Variants in SNX8 observed in about 807,000 individuals in gnomAD.
The protein encoded by SNX8 is sorting nexin-8.
A neutral mutation model predicts 51.6 loss-of-function variants in SNX8; 25 were observed. The observed-to-expected ratio is 0.48, with a 90% confidence interval of 0.35 to 0.68. SNX8 has a LOEUF of 0.68. Ranked by LOEUF, SNX8 falls within the 30% of genes least tolerant of loss-of-function variation. SNX8 has a pLI of 0.00. For missense variants in SNX8, 695 were observed against 624.0 expected (o/e 1.11, Z -1.21); for synonymous variants, 324 against 277.0 (o/e 1.17, Z -1.68).
intron 1 of SNX8, among the ~76,000 whole-genome samples, chr7:2,312,907 GT>G (rs548982760): frequency 3.3e-5 from 5 of 151,590 alleles, no homozygotes; most frequent in African/African-American, 1.2e-4. Flanking sequence ...GTTTTGTTTT[GT>G]TTTTTTTGAG....
Position 2,304,531 on chromosome 7 carries a change from G to A in SNX8, c.94+9797C>T, listed in dbSNP as rs796228428. On this transcript the variant is annotated intron_variant, in intron 1 of 10. Coordinates refer to ENST00000222990, the MANE Select transcript of SNX8 (RefSeq NM_013321.4). Reference sequence around the variant, plus strand: ...TGTACTCCAGCCTGGGCGACAGAGCGAGACTCCATCTCAAAAAAAAAAAAA... The same window carrying A: ...TGTACTCCAGCCTGGGCGACAGAGCAAGACTCCATCTCAAAAAAAAAAAAA... Among the ~76,000 whole-genome samples, 13 of 151,580 alleles carry A rather than the reference G, an allele frequency of 8.6e-5. 1 individual carries two copies. The highest frequency in any genetic ancestry group is 1.7e-4 in the African/African-American group (7 of 41,366).
At chr7:2,288,706 C>T (rs1562440448) in intron 1 of SNX8, among the ~76,000 whole-genome samples, 1 of 152,164 alleles carries the variant, frequency 6.6e-6, no homozygotes, top group Non-Finnish European at 1.5e-5. Flanking sequence ...ACTTCTCAAG[C>T]TCAGGGGTTT....
chr7:2,270,757 G>GAGAGGAACGAAGACA (rs1795625437), intron 4 of SNX8, among the ~76,000 whole-genome samples: 1 of 152,204 alleles, frequency 6.6e-6, no homozygotes, highest in Non-Finnish European at 1.5e-5. Context: ...CTCTGCCTCC[G>GAGAGGAACGAAGACA]AGAGGAACGA....
At chr7:2,268,008 C>A (rs35521439) in intron 5 of SNX8, among the ~76,000 whole-genome samples, 2 of 138,598 alleles carry the variant, frequency 1.4e-5, no homozygotes, top group Admixed American at 7.1e-5. Flanking sequence ...GCCGAGACCC[C>A]GTCTGGGAGG....
At chr7:2,333,543 C>T (rs1778775645) in intron 1 of SNX8, among the ~76,000 whole-genome samples, 1 of 152,036 alleles carries the variant, frequency 6.6e-6, no homozygotes, top group Non-Finnish European at 1.5e-5. Context: ...GCCTGAGTGG[C>T]AGAGTGAGAA....
At chr7:2,255,241 C>T (rs1795149482) in intron 10 of SNX8, 72 bp from the exon 11 acceptor site, 17 of 972,612 alleles carry the variant, frequency 1.7e-5, no homozygotes, top group Non-Finnish European at 2.1e-5. Flanking sequence ...GATCCCAGTT[C>T]CTTCGCCTGC....
intron 1 of SNX8, among the ~76,000 whole-genome samples, chr7:2,350,857 G>T (rs185777563): frequency 3.0e-4 from 45 of 152,226 alleles, no homozygotes; most frequent in African/African-American, 1.1e-3. Flanking sequence ...ATGTTGGCCA[G>T]GCTAGTCTTG....
intron 1 of SNX8, among the ~76,000 whole-genome samples, chr7:2,332,627 A>G (rs1778755935): frequency 6.6e-6 from 1 of 151,806 alleles, no homozygotes; most frequent in Non-Finnish European, 1.5e-5. Context: ...GGTGGAGGAC[A>G]CCTGTAGTCC....
chr7:2,302,314 A>G (rs963978806), intron 1 of SNX8, among the ~76,000 whole-genome samples: 6 of 152,168 alleles, frequency 3.9e-5, no homozygotes, highest in Non-Finnish European at 7.3e-5. Flanking sequence ...TGTGTTGGCC[A>G]GGCCGGTCTC....
At chr7:2,346,927 A>G (rs1317675865) in intron 1 of SNX8, among the ~76,000 whole-genome samples, 1 of 140,082 alleles carries the variant, frequency 7.1e-6, no homozygotes. Context: ...GTCTCAAAAA[A>G]AAAAAAAAAA....
chr7:2,327,456 G>A (rs1244194301), intron 1 of SNX8, among the ~76,000 whole-genome samples: 1 of 151,916 alleles, frequency 6.6e-6, no homozygotes. Flanking sequence ...CGCCCAGGCT[G>A]GAGTGCAGTG....
At chr7:2,354,406 C>G (rs140089507), upstream of SNX8, 13 of 152,360 alleles carry the variant, frequency 8.5e-5, no homozygotes, top group African/African-American at 3.1e-4. Flanking sequence ...GCGAAAGGCT[C>G]AGACGCCCTG....
chr7:2,332,564 A>G (rs894575560), intron 1 of SNX8, among the ~76,000 whole-genome samples: 4 of 151,970 alleles, frequency 2.6e-5, no homozygotes, highest in Admixed American at 1.3e-4. Context: ...ACAAGCCTGG[A>G]CAACCATACT....
intron 1 of SNX8, among the ~76,000 whole-genome samples, chr7:2,297,571 A>AG (rs1796300888): frequency 6.7e-6 from 1 of 149,606 alleles, no homozygotes; most frequent in African/African-American, 2.4e-5. Flanking sequence ...AAAAAAAAAA[A>AG]AAAAAATACC....
chr7:2,256,130 G>A (rs1754831717), intron 10 of SNX8, among the ~76,000 whole-genome samples: 2 of 151,938 alleles, frequency 1.3e-5, no homozygotes, highest in South Asian at 2.1e-4. Context: ...TGAGACCCTG[G>A]CCATCTCACA....
At chr7:2,271,755 G>C (rs1795648564) in intron 4 of SNX8, 95 bp downstream of exon 4, 1 of 1,421,470 alleles carries the variant, frequency 7.0e-7, no homozygotes, top group Admixed American at 2.2e-5. Context: ...CAAGGGACCA[G>C]GAGGATAAGA....
intron 1 of SNX8, among the ~76,000 whole-genome samples, chr7:2,352,958 C>G (rs1331408680): frequency 6.6e-6 from 1 of 152,164 alleles, no homozygotes; most frequent in African/African-American, 2.4e-5. Context: ...AAACCTGGTA[C>G]TAGGCATGGG....
chr7:2,282,007 T>C (rs1795917672), intron 1 of SNX8, among the ~76,000 whole-genome samples: 1 of 152,200 alleles, frequency 6.6e-6, no homozygotes, highest in East Asian at 1.9e-4. Flanking sequence ...CTTGGAAGTG[T>C]CTTGCCCCTG....
chr7:2,303,763 G>A lies in SNX8; in HGVS notation c.94+10565C>T, dbSNP rs184434147. On this transcript the variant is annotated intron_variant, in intron 1 of 10. Coordinates refer to ENST00000222990, the MANE Select transcript of SNX8 (RefSeq NM_013321.4). ...AACAGATCCTGAAGGCAGCATGCTCGTTAAGAGTCATCACCACTCCCTAAT... is the reference window on the plus strand; with the variant it reads ...AACAGATCCTGAAGGCAGCATGCTCATTAAGAGTCATCACCACTCCCTAAT... Among the ~76,000 whole-genome samples the A allele has an allele frequency of 4.2e-3, 633 of 151,988 alleles. 5 individuals carry two copies. The highest frequency in any genetic ancestry group is 6.2e-3 in the Non-Finnish European group (421 of 67,990).
Sources: gnomAD v4.1 joint callset for allele counts (sites outside exome capture counted in the v4.1 genomes callset) on GRCh38, gnomAD v4.1.1 for gene constraint, MANE v1.5 for transcripts, NCBI Gene and HGNC (gene_info 2026-07-23, HGNC 2026-07-21) for gene names.